Variants in ENOX2 observed in about 807,000 individuals in gnomAD.
ENOX2 encodes the protein APK1 antigen.
In ENOX2, 36 loss-of-function variants were observed where a neutral mutation model predicts 45.0. The observed-to-expected ratio is 0.80, with a 90% confidence interval of 0.61 to 1.06. The LOEUF (loss-of-function observed/expected upper bound fraction) is 1.06, where lower values mean the gene tolerates loss of function less well. Among genes scored for constraint, ENOX2 ranks in the 50% least tolerant of loss-of-function variants. The pLI is 0.00. For missense variants in ENOX2, 423 were observed against 462.5 expected (o/e 0.91, Z 0.78); for synonymous variants, 174 against 152.3 (o/e 1.14, Z -1.05).
intron 2 of ENOX2, among the ~76,000 whole-genome samples, chrX:130,891,256 T>G (rs2078977894): frequency 9.1e-6 from 1 of 110,312 alleles, no homozygotes; most frequent in South Asian, 3.9e-4. Flanking sequence ...TAACTGTCCT[T>G]GTTCAGCCTC....
chrX:130,667,826 G>T, intron 7 of ENOX2, 84 bp from the exon 8 acceptor site: 1 of 743,499 alleles, frequency 1.3e-6, no homozygotes, highest in Admixed American at 2.9e-5. Flanking sequence ...AGGGCATCAT[G>T]ATTTTTGGCA....
At chrX:130,797,004 T>C (rs775804243) in intron 2 of ENOX2, among the ~76,000 whole-genome samples, 1 of 112,199 alleles carries the variant, frequency 8.9e-6, no homozygotes, top group South Asian at 3.7e-4. Flanking sequence ...TCAGGGCTCC[T>C]AGAAGATTGC....
At chrX:130,850,208 T>C (rs938797727) in intron 2 of ENOX2, among the ~76,000 whole-genome samples, 6 of 111,080 alleles carry the variant, frequency 5.4e-5, no homozygotes, top group African/African-American at 1.6e-4. Context: ...ACAAAATAAA[T>C]AAAATGGGAA....
intron 14 of ENOX2, among the ~76,000 whole-genome samples, chrX:130,627,548 T>G (rs1453476738): frequency 2.7e-5 from 3 of 110,978 alleles, no homozygotes; most frequent in African/African-American, 9.8e-5. Context: ...ACAAATGCAC[T>G]CCAGCCTGGG....
At chrX:130,888,162 C>A (rs186359552) in intron 2 of ENOX2, among the ~76,000 whole-genome samples, 218 of 111,992 alleles carry the variant, frequency 1.9e-3, no homozygotes, top group African/African-American at 6.5e-3. Flanking sequence ...CTATGTCTAC[C>A]TAAAAATAGT....
intron 3 of ENOX2, among the ~76,000 whole-genome samples, chrX:130,758,457 C>T (rs1248402355): frequency 8.9e-6 from 1 of 112,477 alleles, no homozygotes; most frequent in Non-Finnish European, 1.9e-5. Flanking sequence ...ACACTTTGAT[C>T]TTCATTATAC....
intron 2 of ENOX2, among the ~76,000 whole-genome samples, chrX:130,860,289 G>C (rs1424001463): frequency 8.9e-6 from 1 of 111,773 alleles, no homozygotes; most frequent in Non-Finnish European, 1.9e-5. Flanking sequence ...GATTAATCCA[G>C]GGCTCAGTTC....
chrX:130,839,626 T>C (rs1168711456), intron 2 of ENOX2, among the ~76,000 whole-genome samples: 2 of 111,581 alleles, frequency 1.8e-5, no homozygotes, highest in Non-Finnish European at 3.8e-5. Flanking sequence ...AGATTATCAT[T>C]ATATATCCAA....
chrX:130,866,279 T>C (rs998482227), intron 2 of ENOX2, among the ~76,000 whole-genome samples: 1 of 111,695 alleles, frequency 9.0e-6, no homozygotes, highest in African/African-American at 3.2e-5. Context: ...GATAACATTG[T>C]CCTGATTGAT....
chrX:130,639,035 T>C (rs1204970970), intron 10 of ENOX2, among the ~76,000 whole-genome samples: 1 of 111,655 alleles, frequency 9.0e-6, no homozygotes, highest in African/African-American at 3.3e-5. Flanking sequence ...GACCCAGTCA[T>C]TGGAGAGCTC....
At chrX:130,730,637 G>A (rs2038715559) in intron 3 of ENOX2, among the ~76,000 whole-genome samples, 1 of 111,412 alleles carries the variant, frequency 9.0e-6, no homozygotes, top group South Asian at 3.8e-4. Context: ...TGCTGAAGGT[G>A]GTCAGGGAAC....
intron 4 of ENOX2, among the ~76,000 whole-genome samples, chrX:130,697,657 G>A (rs1300165250): frequency 9.0e-6 from 1 of 111,629 alleles, no homozygotes; most frequent in Non-Finnish European, 1.9e-5. Context: ...CTCTGTCCGC[G>A]GGGCTTCTCA....
intron 2 of ENOX2, among the ~76,000 whole-genome samples, chrX:130,797,222 T>C (rs2077145931): frequency 9.0e-6 from 1 of 111,711 alleles, no homozygotes; most frequent in Admixed American, 9.5e-5. Context: ...AGCCAATTTC[T>C]CTGATTAAAA....
rs762779115 is a variant in ENOX2 at position 130,670,091 on chromosome X, G to T, written c.568C>A (p.Arg190Ser). 2.5e-6 allele frequency: 3 copies of T among 1,209,384 alleles called. No homozygotes were observed. In the South Asian group the frequency reaches 5.3e-5, roughly 21 times the overall value. ...TGGCGCTCCTCTCTGGCTAGCATAC[G>T]CTGTTTACACTCCCACTCATACAGG... ...DDLYEWECKQRMLAREERHRR... is the reference protein window; with the variant it reads ...DDLYEWECKQSMLAREERHRR... The change falls in exon 7 of 15, where the codon CGT (arginine) becomes AGT (serine). Residue 190 changes from arginine to serine, a missense_variant. This residue lies in a region of ENOX2 where 261 missense variants were observed against 306.8 expected (regional missense o/e 0.85). Transcript: ENST00000394363.
intron 2 of ENOX2, among the ~76,000 whole-genome samples, chrX:130,826,142 C>T (rs1019991598): frequency 1.7e-4 from 19 of 110,930 alleles, no homozygotes; most frequent in African/African-American, 2.6e-4. Flanking sequence ...TTTCATAATA[C>T]GATGTTTTAT....
chrX:130,691,981 G>A (rs2037610680), intron 4 of ENOX2, among the ~76,000 whole-genome samples: 1 of 113,171 alleles, frequency 8.8e-6, no homozygotes, highest in Non-Finnish European at 1.9e-5. Flanking sequence ...AAAAGCAAAC[G>A]TATTCATTGC....
chrX:130,812,564 T>C (rs979750767), intron 2 of ENOX2, among the ~76,000 whole-genome samples: 1 of 111,654 alleles, frequency 9.0e-6, no homozygotes, highest in Non-Finnish European at 1.9e-5. Context: ...GAATAACGGA[T>C]CTGCAAAACA....
chrX:130,867,615 T>C (rs1309380544), intron 2 of ENOX2, among the ~76,000 whole-genome samples: 2 of 112,176 alleles, frequency 1.8e-5, no homozygotes, highest in East Asian at 2.8e-4. Context: ...GGCCTCATCA[T>C]AGAAGTCTAT....
At chrX:130,750,114 A>C (rs150064948) in intron 3 of ENOX2, among the ~76,000 whole-genome samples, 443 of 110,658 alleles carry the variant, frequency 4.0e-3, no homozygotes, top group African/African-American at 0.014. Flanking sequence ...GGCTTCTGAC[A>C]ATCTATTTAC....
Sources: allele counts gnomAD v4.1 joint callset (sites outside exome capture counted in the v4.1 genomes callset), GRCh38; gene constraint gnomAD v4.1.1; regional missense constraint gnomAD v4.1.1; transcripts MANE v1.5; gene names NCBI Gene and HGNC (gene_info 2026-07-23, HGNC 2026-07-21).